Variants in KAZN observed in about 807,000 individuals in gnomAD.
The protein encoded by KAZN is kazrin.
KAZN carries 40 observed loss-of-function variants against 87.4 expected under a neutral mutation model. The ratio of observed to expected loss-of-function variants is 0.46; its 90% CI spans 0.36 to 0.60. The LOEUF (loss-of-function observed/expected upper bound fraction) is 0.60, where lower values mean the gene tolerates loss of function less well. Ranked by LOEUF, KAZN falls within the 20% of genes least tolerant of loss-of-function variation. The probability of loss-of-function intolerance (pLI) is 0.00; values close to 1 mark genes in which losing one functional copy is unlikely to be tolerated. For synonymous variants in KAZN, 466 were observed against 458.3 expected, an observed-to-expected ratio of 1.02 and a Z score of -0.22; for missense variants, 898 against 1,073.9, an observed-to-expected ratio of 0.84 and a Z score of 2.29.
At chr1:14,478,274 A>AAGGAAGAAAGG (rs1553178148) in intron 2 of KAZN, among the ~76,000 whole-genome samples, 1 of 111,404 alleles carries the variant, frequency 9.0e-6, no homozygotes, top group Admixed American at 8.9e-5. Flanking sequence ...AGGAAGGAAG[A>AAGGAAGAAAGG]AAGGAAGGAA....
At chr1:14,719,074 C>T (rs560647481) in intron 1 of KAZN, among the ~76,000 whole-genome samples, 2 of 152,274 alleles carry the variant, frequency 1.3e-5, no homozygotes, top group Admixed American at 6.5e-5. Flanking sequence ...TACCCACAGT[C>T]GCCATAGGAC....
At chr1:14,969,106 G>T (rs946802276) in intron 2 of KAZN, among the ~76,000 whole-genome samples, 1 of 152,240 alleles carries the variant, frequency 6.6e-6, no homozygotes, top group Non-Finnish European at 1.5e-5. Context: ...TGCCTTTGCA[G>T]ATGTCACCAG....
In KAZN at chr1:15,117,811, TGAAAG is replaced by T. The variant is rs1641893598; in HGVS notation, c.*3184_*3188del. The stretch of plus-strand genomic sequence containing the variant: ...AGGCTCCGGAGGGCTCTTCCTGCTG[TGAAAG>T]GAAAGGAGAAGAAAGCCTGTGGGCA... On this transcript the variant is annotated 3_prime_UTR_variant, in exon 15 of 15. Coordinates refer to ENST00000376030, the MANE Select transcript of KAZN (RefSeq NM_201628.3). 6.6e-6 allele frequency: 1 copy of T among 152,110 alleles called. No individual in the cohort carries two copies. The highest frequency in any genetic ancestry group is 6.5e-5 in the Admixed American group (1 of 15,282). 9.4% of individuals were successfully genotyped at this position (152,110 alleles called of 1,614,324 possible).
intron 1 of KAZN, among the ~76,000 whole-genome samples, chr1:14,137,405 C>T (rs140801048): frequency 6.6e-6 from 1 of 152,290 alleles, no homozygotes; most frequent in African/African-American, 2.4e-5. Context: ...CATCTACTGA[C>T]CAGAACCAGA....
chr1:14,482,071 T>C (rs1669114317), intron 2 of KAZN, among the ~76,000 whole-genome samples: 1 of 152,102 alleles, frequency 6.6e-6, no homozygotes, highest in South Asian at 2.1e-4. Flanking sequence ...TGCCAGGCAA[T>C]GTCGGACAGC....
intron 2 of KAZN, among the ~76,000 whole-genome samples, chr1:14,279,390 T>TA (rs1195494262): frequency 6.6e-6 from 1 of 152,200 alleles, no homozygotes; most frequent in Non-Finnish European, 1.5e-5. Context: ...ACATCCTAGG[T>TA]AATTGCTCCC....
chr1:14,503,905 A>ACC (rs1328520292), intron 2 of KAZN, among the ~76,000 whole-genome samples: 1 of 152,140 alleles, frequency 6.6e-6, no homozygotes, highest in Non-Finnish European at 1.5e-5. Context: ...CATGGTATCT[A>ACC]AACAGCCCTG....
intron 2 of KAZN, among the ~76,000 whole-genome samples, chr1:14,199,875 A>G (rs1410738332): frequency 6.6e-6 from 1 of 152,108 alleles, no homozygotes; most frequent in Non-Finnish European, 1.5e-5. Flanking sequence ...GGGCTTGCTG[A>G]TAGGACAGAT....
At chr1:14,221,100 G>C (rs940639144) in intron 2 of KAZN, among the ~76,000 whole-genome samples, 1 of 152,064 alleles carries the variant, frequency 6.6e-6, no homozygotes, top group Non-Finnish European at 1.5e-5. Context: ...CTGTCATCTT[G>C]CTTAGTGTTT....
chr1:14,383,469 A>G lies in KAZN; in HGVS notation c.249+202877A>G, dbSNP rs555776225. On this transcript the variant is annotated intron_variant, in intron 2 of 16. Transcript: ENST00000636203. Reference sequence around the variant, plus strand: ...TTTAGGTCTAACATTTAAGTCTTTAATCCATCTTGAATTGATTTTTGTATA... The same window carrying G: ...TTTAGGTCTAACATTTAAGTCTTTAGTCCATCTTGAATTGATTTTTGTATA... 6.1e-3 allele frequency among the ~76,000 whole-genome samples: 928 copies of G among 151,982 alleles called. 7 individuals are homozygous for G. The highest frequency in any genetic ancestry group is 0.01 in the Non-Finnish European group (696 of 68,000).
At chr1:13,905,531 T>G (rs1016000634) in intron 1 of KAZN, among the ~76,000 whole-genome samples, 2 of 152,022 alleles carry the variant, frequency 1.3e-5, no homozygotes, top group South Asian at 2.1e-4. Context: ...GTGCCTGTGT[T>G]CAGGACCCAC....
chr1:15,023,944 C>T (rs576621015), intron 2 of KAZN, among the ~76,000 whole-genome samples: 1 of 152,124 alleles, frequency 6.6e-6, no homozygotes, highest in East Asian at 1.9e-4. Context: ...AGTTTAAGGC[C>T]AGAGCAACAG....
chr1:14,084,205 C>G (rs1041114516), intron 1 of KAZN, among the ~76,000 whole-genome samples: 2 of 152,090 alleles, frequency 1.3e-5, no homozygotes, highest in Admixed American at 1.3e-4. Flanking sequence ...TCAAGAAGAC[C>G]AGATATTAGA....
rs966075814 is a variant in KAZN at position 15,068,330 on chromosome 1, G to A, written c.1222+2577G>A. 7.9e-5 allele frequency among the ~76,000 whole-genome samples: 12 copies of A among 151,980 alleles called. No individual in the cohort carries two copies. In the East Asian group the frequency reaches 9.7e-4, roughly 12 times the overall value. On this transcript the variant is annotated intron_variant, in intron 8 of 14. Transcript: ENST00000376030. ...TCGGGGCCCTTGGAGGGGCCGAGCCGGGGTAGCCTCCCAGAAGCATCTCGC... is the reference window on the plus strand; with the variant it reads ...TCGGGGCCCTTGGAGGGGCCGAGCCAGGGTAGCCTCCCAGAAGCATCTCGC...
At chr1:14,169,215 A>G (rs1042129258) in intron 1 of KAZN, among the ~76,000 whole-genome samples, 1 of 152,084 alleles carries the variant, frequency 6.6e-6, no homozygotes, top group Non-Finnish European at 1.5e-5. Flanking sequence ...ACGGAAACCA[A>G]GGCCAAGAAA....
intron 10 of KAZN, among the ~76,000 whole-genome samples, chr1:15,098,968 C>T (rs184714479): frequency 6.6e-5 from 10 of 152,322 alleles, no homozygotes; most frequent in African/African-American, 2.4e-4. Flanking sequence ...GATGCGTAAC[C>T]ATGAACCACA....
chr1:14,705,578 A>G (rs532765473), intron 1 of KAZN, among the ~76,000 whole-genome samples: 2 of 152,334 alleles, frequency 1.3e-5, no homozygotes, highest in Non-Finnish European at 2.9e-5. Context: ...GTGTATATAC[A>G]TAATGGAATA....
chr1:14,112,051 T>C (rs1644511304), intron 1 of KAZN, among the ~76,000 whole-genome samples: 1 of 152,058 alleles, frequency 6.6e-6, no homozygotes, highest in Admixed American at 6.6e-5. Flanking sequence ...TTGCCTAGAT[T>C]CTAACTTCTG....
Position 14,732,505 on chromosome 1 carries a change from G to GAC in KAZN, c.226+133286_226+133287dup, listed in dbSNP as rs1041953443. On this transcript the variant is annotated intron_variant, in intron 1 of 14. Transcript: ENST00000376030. ...AATATATAAATTAGCTGGGTATGGT[G>GAC]ACACATGCCTGTAGTTCCAGCTTCT... Among the ~76,000 whole-genome samples, 4 of 152,220 alleles carry GAC rather than the reference G, an allele frequency of 2.6e-5. No homozygotes were observed. In the South Asian group the frequency reaches 8.3e-4, roughly 32 times the overall value.
Sources: gnomAD v4.1 joint callset for allele counts (sites outside exome capture counted in the v4.1 genomes callset) on GRCh38, gnomAD v4.1.1 for gene constraint, MANE v1.5 for transcripts, NCBI Gene and HGNC (gene_info 2026-07-23, HGNC 2026-07-21) for gene names.